The following MORC4 variants were observed in gnomAD, a reference collection of about 807,000 sequenced individuals.
The protein encoded by MORC4 is MORC family CW-type zinc finger protein 4.
MORC4 carries 22 observed loss-of-function variants against 65.5 expected under a neutral mutation model. The observed-to-expected ratio is 0.34, with a 90% confidence interval of 0.24 to 0.48. The LOEUF is 0.48. Among genes scored for constraint, MORC4 ranks in the 20% least tolerant of loss-of-function variants. MORC4 has a pLI of 0.99. For missense variants in MORC4, 624 were observed against 703.0 expected, an observed-to-expected ratio of 0.89 and a Z score of 1.27; for synonymous variants, 267 against 255.8, an observed-to-expected ratio of 1.04 and a Z score of -0.42.
chrX:106,978,674 A>G (rs1007085906), intron 7 of MORC4, among the ~76,000 whole-genome samples: 1 of 110,895 alleles, frequency 9.0e-6, no homozygotes, highest in Non-Finnish European at 1.9e-5. Flanking sequence ...AAGATACCTA[A>G]ATACCATCAG....
chrX:106,955,171 A>G (rs1462224515), intron 13 of MORC4, 83 bp from the exon 14 acceptor site: 1 of 726,681 alleles, frequency 1.4e-6, no homozygotes, highest in African/African-American at 2.2e-5. Context: ...GATGCTAGGA[A>G]AGAATGCTTG....
chrX:106,941,174 C>T lies in MORC4; in HGVS notation c.*305G>A, dbSNP rs1933662850. The T allele has an allele frequency of 4.5e-6, 1 of 221,806 alleles. No homozygotes were observed. The highest frequency in any genetic ancestry group is 8.1e-6 in the Non-Finnish European group (1 of 123,191). The allele number at this position is 221,806 out of a possible 1,213,427, so 18.3% of individuals were successfully genotyped here. On this transcript the variant is annotated 3_prime_UTR_variant, in exon 17 of 17. Transcript: ENST00000355610. ...ACAAACCATTTCAGAAAAAGATATA[C>T]AATAGACCACATATCCAGGTCATGA...
chrX:106,966,114 A>G (rs1051454594), intron 9 of MORC4, among the ~76,000 whole-genome samples: 1 of 112,035 alleles, frequency 8.9e-6, no homozygotes, highest in Non-Finnish European at 1.9e-5. Context: ...ACAAAAAGAA[A>G]CCAGGACTTG....
intron 2 of MORC4, 60 bp downstream of exon 2, chrX:106,999,617 G>A (rs1229719559): frequency 6.9e-6 from 7 of 1,017,696 alleles, no homozygotes; most frequent in Non-Finnish European, 9.0e-6. Context: ...TCGCGTCCGC[G>A]GCACCACGCT....
chrX:106,993,610 C>G (rs1415511310), intron 2 of MORC4, among the ~76,000 whole-genome samples: 1 of 111,776 alleles, frequency 8.9e-6, no homozygotes, highest in Non-Finnish European at 1.9e-5. Flanking sequence ...GCCTTTCCAC[C>G]TTCGAACTTC....
At chrX:106,985,943 C>T (rs1480085867) in intron 4 of MORC4, 40 bp downstream of exon 4, 3 of 1,108,464 alleles carry the variant, frequency 2.7e-6, no homozygotes, top group Non-Finnish European at 3.7e-6. Flanking sequence ...TCAGATTAGA[C>T]TAATTTTTAA....
At chrX:106,992,533 T>C (rs1450290830) in intron 3 of MORC4, among the ~76,000 whole-genome samples, 1 of 112,748 alleles carries the variant, frequency 8.9e-6, no homozygotes, top group African/African-American at 3.2e-5. Flanking sequence ...CTACAAATGT[T>C]TTAAAGTGAT....
At chrX:106,971,620 T>C (rs1286942449) in intron 9 of MORC4, among the ~76,000 whole-genome samples, 1 of 111,409 alleles carries the variant, frequency 9.0e-6, no homozygotes, top group Non-Finnish European at 1.9e-5. Context: ...AAATTTACAA[T>C]GAAAAAGCAA....
chrX:106,965,067 T>C lies in MORC4; in HGVS notation c.1158-2957A>G, dbSNP rs768558583. On this transcript the variant is annotated intron_variant, in intron 9 of 16. Coordinates refer to ENST00000355610, the MANE Select transcript of MORC4 (RefSeq NM_024657.5). ...TTTTGAGTCTGCAAGCCAGTATTAT[T>C]GTAATTCAGTTTGTAACTCCTCATT... Among the ~76,000 whole-genome samples the C allele has an allele frequency of 2.7e-5, 3 of 111,593 alleles. No homozygotes were observed. In the East Asian group the frequency reaches 8.4e-4, roughly 31 times the overall value.
At chrX:106,951,995 C>CAAAA (rs56864570) in intron 14 of MORC4, among the ~76,000 whole-genome samples, 3 of 31,663 alleles carry the variant, frequency 9.5e-5, no homozygotes, top group African/African-American at 2.5e-4. Context: ...GACTCTGCCG[C>CAAAA]AAAAAAAAAA....
At chrX:106,969,616 T>C (rs1934458169) in intron 9 of MORC4, among the ~76,000 whole-genome samples, 1 of 111,685 alleles carries the variant, frequency 9.0e-6, no homozygotes, top group Non-Finnish European at 1.9e-5. Context: ...AAGGATCAAA[T>C]AGACACAATA....
intron 2 of MORC4, among the ~76,000 whole-genome samples, chrX:106,996,041 G>A (rs767960602): frequency 1.8e-4 from 20 of 111,601 alleles, no homozygotes; most frequent in Admixed American, 1.6e-3. Flanking sequence ...GAACATTCAC[G>A]ATTCAAACAT....
chrX:106,965,376 T>TA (rs1018793854), intron 9 of MORC4, among the ~76,000 whole-genome samples: 12 of 111,247 alleles, frequency 1.1e-4, no homozygotes, highest in South Asian at 3.7e-4. Flanking sequence ...TGTTTCACTA[T>TA]AAAAAAAATC....
intron 14 of MORC4, among the ~76,000 whole-genome samples, chrX:106,951,210 A>T (rs1933959987): frequency 9.0e-6 from 1 of 111,553 alleles, no homozygotes. Context: ...ACACAGTAGA[A>T]TGTCTCTACT....
intron 2 of MORC4, among the ~76,000 whole-genome samples, chrX:106,994,773 CT>C (rs200956837): frequency 1.9e-5 from 2 of 107,012 alleles, no homozygotes; most frequent in Non-Finnish European, 1.9e-5. Context: ...TATAGTCAAT[CT>C]TTTTTTTTTC....
In MORC4 at chrX:106,981,379, G is replaced by A. The variant is rs1934737288; in HGVS notation, c.773C>T (p.Thr258Ile). ...ATATTCTGTTTCTGGTAGCTCAGAG[G>A]TAACACCGCCAGTCATTTTTTCTTC... ...DTEEKMTGGV[T>I]SELPETEYSL... Residue 258 changes from threonine to isoleucine, a missense_variant, in exon 6 of 17, where the codon ACC becomes ATC. Transcript: ENST00000355610. 8.3e-7 allele frequency: 1 copy of A among 1,204,948 alleles called. No individual in the cohort carries two copies. Among genetic ancestry groups the A allele is most frequent in the Non-Finnish European group, 1.1e-6 (1 of 892,363 alleles).
At chrX:106,986,302 T>C (rs1934870332) in intron 3 of MORC4, 102 bp from the exon 4 acceptor site, 5 of 582,477 alleles carry the variant, frequency 8.6e-6, no homozygotes, top group Non-Finnish European at 2.7e-6. Context: ...TACAAATAAA[T>C]AACACTTGTA....
intron 9 of MORC4, among the ~76,000 whole-genome samples, chrX:106,972,214 A>G (rs773922299): frequency 9.8e-4 from 109 of 111,449 alleles, no homozygotes; most frequent in African/African-American, 3.5e-3. Flanking sequence ...AACTATCACA[A>G]GATCAGAAAA....
At position 106,945,523 on chromosome X, in the gene MORC4, T is replaced by C. The variant is rs529817990; in HGVS notation, c.1686-2318A>G. Among the ~76,000 whole-genome samples the C allele has an allele frequency of 2.8e-4, 30 of 105,807 alleles. No homozygotes were observed. In the South Asian group the frequency reaches 0.013, roughly 47 times the overall value. 91.9% of individuals were successfully genotyped at this position (105,807 alleles called of 115,157 possible). Reference sequence around the variant, plus strand: ...ACACAGAAGGGAGCTTAATTAACCATGCTAGATGGGGAGGAGGGAACAAAA... The same window carrying C: ...ACACAGAAGGGAGCTTAATTAACCACGCTAGATGGGGAGGAGGGAACAAAA... On this transcript the variant is annotated intron_variant, in intron 14 of 16. Transcript: ENST00000355610.
Sources: gnomAD v4.1 joint callset for allele counts (sites outside exome capture counted in the v4.1 genomes callset) on GRCh38, gnomAD v4.1.1 for gene constraint, MANE v1.5 for transcripts, NCBI Gene and HGNC (gene_info 2026-07-23, HGNC 2026-07-21) for gene names.